ZNF462: variants seen among roughly 807,000 people sequenced by gnomAD.
ZNF462 encodes the protein zinc finger protein 462.
A neutral mutation model predicts 201.9 loss-of-function variants in ZNF462; 10 were observed. That is an observed-to-expected ratio of 0.05 (90% CI 0.03 to 0.08). The LOEUF (loss-of-function observed/expected upper bound fraction) is 0.08, where lower values mean the gene tolerates loss of function less well. Ranked by LOEUF, ZNF462 falls within the 10% of genes least tolerant of loss-of-function variation. ZNF462 has a pLI of 1.00. For missense variants in ZNF462, 2,523 were observed against 3,168.3 expected, an observed-to-expected ratio of 0.80 and a Z score of 4.89; for synonymous variants, 1,227 against 1,193.3, an observed-to-expected ratio of 1.03 and a Z score of -0.58.
In ZNF462 at chr9:106,884,728, T is replaced by G. The variant is rs139163877; in HGVS notation, c.-31+21373T>G. 5.8e-3 allele frequency among the ~76,000 whole-genome samples: 880 copies of G among 152,318 alleles called. 7 individuals carry two copies. The highest frequency in any genetic ancestry group is 0.02 in the African/African-American group (840 of 41,572). On this transcript the variant is annotated intron_variant, in intron 1 of 12. Transcript: ENST00000277225. ...ATTCACCCAAGTACATTTTTGGTTT[T>G]TTTGTTTGTTTGTTTGTTTTTTCTA...
Position 106,974,369 on chromosome 9 carries a change from T to C in ZNF462, c.6832+96T>C. ...TCTCTCAGAGTGGCAGTAGCACCTG[T>C]GCCTTGTTCCTCACCTTATCTTCAG... On this transcript the variant is annotated intron_variant, in intron 9 of 12. Transcript: ENST00000277225. This position sits in a 1 kb window ranked among gnomAD's most constrained non-coding sequence, Gnocchi z 4.0. The C allele has an allele frequency of 6.4e-7, 1 of 1,571,372 alleles. No homozygotes were observed. Among genetic ancestry groups the C allele is most frequent in the Non-Finnish European group, 8.8e-7 (1 of 1,141,710 alleles).
At position 106,913,912 on chromosome 9, in the gene ZNF462, T is replaced by C. The variant is rs1314052859; in HGVS notation, c.-30-9442T>C. 6.6e-6 allele frequency among the ~76,000 whole-genome samples: 1 copy of C among 150,630 alleles called. No homozygotes were observed. The highest frequency in any genetic ancestry group is 2.4e-5 in the African/African-American group (1 of 41,342). ...ACACTGTGCCCAGCTGACTTGACCA[T>C]TTTTAATGACATTTGCCCCTTACTC... is the stretch of plus-strand genomic sequence containing the variant. On this transcript the variant is annotated intron_variant, in intron 1 of 12. Coordinates refer to ENST00000277225, the MANE Select transcript of ZNF462 (RefSeq NM_021224.6). The surrounding 1 kb of genome is among the most constrained non-coding windows in gnomAD (Gnocchi z 4.1).
intron 1 of ZNF462, among the ~76,000 whole-genome samples, chr9:106,916,755 A>T (rs1009435030): frequency 6.6e-6 from 1 of 152,164 alleles, no homozygotes; most frequent in Admixed American, 6.5e-5. Flanking sequence ...GATGAGCTGG[A>T]ATCTCATTTA....
At chr9:106,896,245 A>G (rs994146451) in intron 1 of ZNF462, among the ~76,000 whole-genome samples, 6 of 152,186 alleles carry the variant, frequency 3.9e-5, no homozygotes, top group Admixed American at 1.3e-4. Flanking sequence ...CATACTAGCT[A>G]CGTAGTAGGC....
At position 106,876,487 on chromosome 9, in the gene ZNF462, A is replaced by G. The variant is rs777317595; in HGVS notation, c.-31+13132A>G. Reference sequence around the variant, plus strand: ...TGTGCTGTGTGTCCCTTTACTGATGAGTAGTCTTTGCTGCAGTTGTCCATT... The same window carrying G: ...TGTGCTGTGTGTCCCTTTACTGATGGGTAGTCTTTGCTGCAGTTGTCCATT... On this transcript the variant is annotated intron_variant, in intron 1 of 12. Transcript: ENST00000277225. The surrounding 1 kb of genome is among the most constrained non-coding windows in gnomAD (Gnocchi z 4.9). Among the ~76,000 whole-genome samples, 5 of 152,154 alleles carry G rather than the reference A, an allele frequency of 3.3e-5. No homozygotes were observed. Among genetic ancestry groups the G allele is most frequent in the African/African-American group, 4.8e-5 (2 of 41,440 alleles).
At chr9:106,904,096 T>G (rs1261470011) in intron 1 of ZNF462, among the ~76,000 whole-genome samples, 1 of 152,224 alleles carries the variant, frequency 6.6e-6, no homozygotes, top group African/African-American at 2.4e-5. Flanking sequence ...TTAGAGTTCC[T>G]TTTAGCAGTT....
chr9:106,888,279 G>T (rs1263650853), intron 1 of ZNF462, among the ~76,000 whole-genome samples: 1 of 151,444 alleles, frequency 6.6e-6, no homozygotes, highest in Non-Finnish European at 1.5e-5. Context: ...CTGACCTCGT[G>T]ATCCGCCCAC....
chr9:106,932,682 A>T lies in ZNF462; in HGVS notation c.6116+133A>T. 2.6e-6 allele frequency: 3 copies of T among 1,136,254 alleles called. No individual in the cohort carries two copies. The Admixed American group carries it at 6.9e-5, about 26-fold the overall frequency. The allele number at this position is 1,136,254 out of a possible 1,614,324, so 70.4% of individuals were successfully genotyped here. A position where few individuals can be genotyped will look rare whatever the true frequency, so the allele number is the denominator to read the frequency against. ...TCACACCTGCTGCTATGTTACCTGG[A>T]GCCTCAGTCACCTTTTCTGTAAAAT... On this transcript the variant is annotated intron_variant, in intron 5 of 12. Coordinates refer to ENST00000277225, the MANE Select transcript of ZNF462 (RefSeq NM_021224.6). The surrounding 1 kb of genome is among the most constrained non-coding windows in gnomAD (Gnocchi z 6.8).
At position 106,926,013 on chromosome 9, in the gene ZNF462, A is replaced by G; in HGVS notation, c.2101A>G (p.Ser701Gly). 1 of 1,614,238 alleles carries G rather than the reference A, an allele frequency of 6.2e-7. No homozygotes were observed. Among genetic ancestry groups the G allele is most frequent in the Non-Finnish European group, 8.5e-7 (1 of 1,180,044 alleles). Reference protein sequence around the residue: ...KKRTRIDEIASNLQSKINQTK... With the variant: ...KKRTRIDEIAGNLQSKINQTK... ...GAGAACCAGGATTGACGAGATAGCA[A>G]GCAACCTTCAGAGCAAAATTAACCA... The change falls in exon 3 of 13, where the codon AGC becomes GGC. Residue 701 changes from serine (S) to glycine (G), a missense_variant. This residue lies in a region of ZNF462 where 383 missense variants were observed against 453.4 expected (regional missense o/e 0.84). Coordinates refer to ENST00000277225, the MANE Select transcript of ZNF462 (RefSeq NM_021224.6). This position sits in a 1 kb window ranked among gnomAD's most constrained non-coding sequence, Gnocchi z 7.9.
intron 1 of ZNF462, among the ~76,000 whole-genome samples, chr9:106,864,045 T>TCGCTCTCG: frequency 6.3e-5 from 2 of 31,620 alleles, no homozygotes; most frequent in East Asian, 1.8e-3. Context: ...TTTGGCTCTC[T>TCGCTCTCG]CTCTCTCTCT....
intron 7 of ZNF462, 35 bp downstream of exon 7, chr9:106,939,142 C>T: frequency 6.5e-7 from 1 of 1,530,192 alleles, no homozygotes; most frequent in Non-Finnish European, 8.8e-7. Context: ...ATTAACCACT[C>T]AGGGTTGAGG....
At chr9:106,987,372 G>A (rs1457072857) in intron 10 of ZNF462, among the ~76,000 whole-genome samples, 1 of 152,124 alleles carries the variant, frequency 6.6e-6, no homozygotes, top group Non-Finnish European at 1.5e-5. Flanking sequence ...GCAGAAGTAA[G>A]GTGGTATTGC....
chr9:106,918,129 C>A (rs931586516), intron 1 of ZNF462, among the ~76,000 whole-genome samples: 1 of 151,996 alleles, frequency 6.6e-6, no homozygotes, highest in African/African-American at 2.4e-5. Context: ...TCCACCTCGG[C>A]CTCCCAAAGT....
chr9:106,989,955 G>C (rs181857986), intron 10 of ZNF462, among the ~76,000 whole-genome samples: 1 of 151,636 alleles, frequency 6.6e-6, no homozygotes, highest in African/African-American at 2.4e-5. Flanking sequence ...TCTTGCTAAT[G>C]GTCTATCAAT....
At chr9:106,864,381 G>C (rs1031823940) in intron 1 of ZNF462, among the ~76,000 whole-genome samples, 2 of 152,022 alleles carry the variant, frequency 1.3e-5, no homozygotes, top group East Asian at 1.9e-4. Context: ...AGGGGCCTGG[G>C]GGGGCGTCTC....
intron 7 of ZNF462, among the ~76,000 whole-genome samples, chr9:106,969,475 G>T (rs141902945): frequency 2.6e-5 from 4 of 152,300 alleles, no homozygotes; most frequent in African/African-American, 9.6e-5. Flanking sequence ...AAGAGATTGG[G>T]GTCCTTGGAG....
chr9:106,987,514 G>GT (rs1019656650), intron 10 of ZNF462, among the ~76,000 whole-genome samples: 9 of 151,838 alleles, frequency 5.9e-5, no homozygotes, highest in Admixed American at 1.3e-4. Context: ...TCATGAGATT[G>GT]TTTTTTTCTT....
chr9:106,987,952 G>A (rs903325364), intron 10 of ZNF462, among the ~76,000 whole-genome samples: 11 of 152,090 alleles, frequency 7.2e-5, no homozygotes, highest in African/African-American at 2.7e-4. Flanking sequence ...TGTTTGCTTT[G>A]CCAAAGATCA....
In ZNF462 at chr9:106,906,372, C is replaced by T. The variant is rs546151363; in HGVS notation, c.-30-16982C>T. On this transcript the variant is annotated intron_variant, in intron 1 of 12. Coordinates refer to ENST00000277225, the MANE Select transcript of ZNF462 (RefSeq NM_021224.6). ...ACAATGCAAGCCTCCGCATGCTGCT[C>T]TGCCTGGAGCTACAATCTATTCCTG... Among the ~76,000 whole-genome samples the T allele has an allele frequency of 2.0e-5, 3 of 152,306 alleles. No homozygotes were observed. In the South Asian group the frequency reaches 6.2e-4, roughly 32 times the overall value.
Sources: allele counts gnomAD v4.1 joint callset (sites outside exome capture counted in the v4.1 genomes callset), GRCh38; gene constraint gnomAD v4.1.1; regional missense constraint gnomAD v4.1.1; non-coding constraint Gnocchi (gnomAD v3.1); transcripts MANE v1.5; gene names NCBI Gene and HGNC (gene_info 2026-07-23, HGNC 2026-07-21).